Variants in PDE10A observed in about 807,000 individuals in gnomAD.
PDE10A encodes cAMP and cAMP-inhibited cGMP 3',5'-cyclic phosphodiesterase 10A.
A neutral mutation model predicts 97.7 loss-of-function variants in PDE10A; 39 were observed. That is an observed-to-expected ratio of 0.40 (90% CI 0.31 to 0.52). PDE10A has a LOEUF of 0.52. Ranked by LOEUF, PDE10A falls within the 20% of genes least tolerant of loss-of-function variation. The probability of loss-of-function intolerance (pLI) is 0.56; values close to 1 mark genes in which losing one functional copy is unlikely to be tolerated. For synonymous variants in PDE10A, 371 were observed against 376.8 expected, an observed-to-expected ratio of 0.98 and a Z score of 0.18; for missense variants, 731 against 1,047.8, an observed-to-expected ratio of 0.70 and a Z score of 4.17.
At position 165,529,032 on chromosome 6, in the gene PDE10A, T is replaced by C. The variant is rs565087832; in HGVS notation, c.994+14408A>G. Among the ~76,000 whole-genome samples, 4 of 152,324 alleles carry C rather than the reference T, an allele frequency of 2.6e-5. No homozygotes were observed. The East Asian group carries it at 7.7e-4, about 29-fold the overall frequency. ...ATCCATTAGCAAAATTTTTGCTTCCTGTTCCTGAGACATTACATTCTGCTC... is the reference window on the plus strand; with the variant it reads ...ATCCATTAGCAAAATTTTTGCTTCCCGTTCCTGAGACATTACATTCTGCTC... On this transcript the variant is annotated intron_variant, in intron 2 of 21. Transcript: ENST00000539869.
chr6:165,549,528 C>T (rs592725), intron 1 of PDE10A, among the ~76,000 whole-genome samples: 3,034 of 152,162 alleles, frequency 0.02, 38 homozygotes, highest in Middle Eastern at 0.041. Context: ...GTTTCACCGT[C>T]TTAGCCGGGA....
At chr6:165,757,707 T>C (rs2128457265) in intron 1 of PDE10A, among the ~76,000 whole-genome samples, 1 of 152,340 alleles carries the variant, frequency 6.6e-6, no homozygotes, top group South Asian at 2.1e-4. Flanking sequence ...ATAGTATGTC[T>C]TTGTGATTCT....
intron 10 of PDE10A, among the ~76,000 whole-genome samples, chr6:165,427,763 A>G (rs528831267): frequency 4.6e-5 from 7 of 152,086 alleles, no homozygotes; most frequent in Non-Finnish European, 1.0e-4. Flanking sequence ...TTATAACTTT[A>G]TATTTTTCTT....
intron 1 of PDE10A, among the ~76,000 whole-genome samples, chr6:165,821,027 C>T (rs562881501): frequency 6.6e-6 from 1 of 152,330 alleles, no homozygotes; most frequent in East Asian, 1.9e-4. Context: ...CAGAAACATA[C>T]ATTGCACGTT....
At chr6:165,550,726 T>C (rs1046837835) in intron 1 of PDE10A, among the ~76,000 whole-genome samples, 1 of 152,218 alleles carries the variant, frequency 6.6e-6, no homozygotes, top group East Asian at 1.9e-4. Context: ...GGAAGTCAGA[T>C]AACAATTCAA....
At chr6:165,792,261 G>A (rs117836355) in intron 1 of PDE10A, among the ~76,000 whole-genome samples, 4,773 of 152,302 alleles carry the variant, frequency 0.031, 118 homozygotes, top group Middle Eastern at 0.092. Context: ...ATGAGTCACC[G>A]TCGAGCAGAA....
At chr6:165,750,640 C>G (rs1792977772) in intron 1 of PDE10A, among the ~76,000 whole-genome samples, 1 of 152,224 alleles carries the variant, frequency 6.6e-6, no homozygotes, top group Non-Finnish European at 1.5e-5. Flanking sequence ...ACAGCCTGCA[C>G]ATTTTCTTCA....
intron 3 of PDE10A, among the ~76,000 whole-genome samples, chr6:165,470,977 T>C (rs1027212382): frequency 3.3e-4 from 50 of 152,152 alleles, no homozygotes; most frequent in African/African-American, 1.1e-3. Context: ...CACCCATTTC[T>C]CTCCTCTCTT....
chr6:165,673,718 T>C (rs1185021389), intron 1 of PDE10A, among the ~76,000 whole-genome samples: 2 of 152,262 alleles, frequency 1.3e-5, no homozygotes, highest in South Asian at 2.1e-4. Flanking sequence ...TCTTCTTTAA[T>C]GGTGAAGGCA....
At chr6:165,896,670 G>A (rs530223684) in intron 1 of PDE10A, among the ~76,000 whole-genome samples, 86 of 151,974 alleles carry the variant, frequency 5.7e-4, no homozygotes, top group African/African-American at 2.0e-3. Context: ...GACTACAGGC[G>A]CCCACCACCA....
At position 165,711,848 on chromosome 6, in the gene PDE10A, C is replaced by A. The variant is rs958371122; in HGVS notation, c.-614-168280G>T. Among the ~76,000 whole-genome samples, 1 of 152,076 alleles carries A rather than the reference C, an allele frequency of 6.6e-6. No individual in the cohort carries two copies. The highest frequency in any genetic ancestry group is 2.4e-5 in the African/African-American group (1 of 41,392). On this transcript the variant is annotated intron_variant, in intron 1 of 19. Coordinates refer to the PDE10A transcript ENST00000366882. The surrounding 1 kb of genome is among the most constrained non-coding windows in gnomAD (Gnocchi z 4.5). ...GTGTAAAATGCTTTAGCATAAACAG[C>A]GGGATGTAGGAGTGTGTTGGTTGGT...
At chr6:165,338,406 A>G (rs1781772593) in intron 20 of PDE10A, among the ~76,000 whole-genome samples, 1 of 152,254 alleles carries the variant, frequency 6.6e-6, no homozygotes, top group Non-Finnish European at 1.5e-5. Context: ...TTAGAAGATG[A>G]GACAGTTAAC....
intron 1 of PDE10A, among the ~76,000 whole-genome samples, chr6:165,728,856 A>C (rs1230177835): frequency 2.6e-5 from 4 of 152,126 alleles, no homozygotes; most frequent in Non-Finnish European, 5.9e-5. Context: ...TCAGTTTTTG[A>C]GACTTTGCTT....
intron 5 of PDE10A, among the ~76,000 whole-genome samples, chr6:165,436,803 A>G (rs1790049557): frequency 6.6e-6 from 1 of 152,204 alleles, no homozygotes; most frequent in African/African-American, 2.4e-5. Context: ...GCACCAACAT[A>G]CACATGGCAT....
chr6:165,877,194 C>G (rs181237884), intron 1 of PDE10A, among the ~76,000 whole-genome samples: 15 of 152,298 alleles, frequency 9.8e-5, no homozygotes, highest in African/African-American at 3.4e-4. Context: ...TGACAAGCCC[C>G]ATCATTTAGT....
At chr6:165,397,752 G>A (rs1583193753) in intron 13 of PDE10A, among the ~76,000 whole-genome samples, 3 of 138,054 alleles carry the variant, frequency 2.2e-5, no homozygotes, top group Admixed American at 1.4e-4. Flanking sequence ...CAAGAGTAAA[G>A]ATACTTTCTT....
Position 165,661,653 on chromosome 6 carries a change from G to A in PDE10A, c.865+294C>T. The A allele has an allele frequency of 2.6e-6, 1 of 391,420 alleles. No individual in the cohort carries two copies. Among genetic ancestry groups the A allele is most frequent in the Non-Finnish European group, 4.5e-6 (1 of 221,460 alleles). The allele number at this position is 391,420 out of a possible 1,614,324, so 24.2% of individuals were successfully genotyped here. A position where few individuals can be genotyped will look rare whatever the true frequency, so the allele number is the denominator to read the frequency against. On this transcript the variant is annotated intron_variant, in intron 1 of 21. Transcript: ENST00000539869. The surrounding 1 kb of genome is among the most constrained non-coding windows in gnomAD (Gnocchi z 4.8). ...AGAAACGGCACGAGGGGCGGAGAAGGAGGCGGCAGGTCCCGCTCGCAACGT... is the reference window on the plus strand; with the variant it reads ...AGAAACGGCACGAGGGGCGGAGAAGAAGGCGGCAGGTCCCGCTCGCAACGT...
Position 165,391,790 on chromosome 6 carries a change from G to A in PDE10A, c.2454+856C>T, listed in dbSNP as rs141392099. On this transcript the variant is annotated intron_variant, in intron 16 of 21. Transcript: ENST00000539869. ...GATTGTGAATTTGGTCCAATAGGAT[G>A]GAAAAGGATAGGATGGACCTTCACA... Among the ~76,000 whole-genome samples the A allele has an allele frequency of 1.4e-3, 213 of 152,236 alleles. 2 individuals carry two copies. The highest frequency in any genetic ancestry group is 5.0e-3 in the African/African-American group (208 of 41,538).
At chr6:165,879,775 G>T (rs1781428925) in intron 1 of PDE10A, among the ~76,000 whole-genome samples, 2 of 152,074 alleles carry the variant, frequency 1.3e-5, no homozygotes, top group Admixed American at 1.3e-4. Flanking sequence ...TTATTTATAT[G>T]ATTTTTTTGT....
Sources: allele counts gnomAD v4.1 joint callset (sites outside exome capture counted in the v4.1 genomes callset), GRCh38; gene constraint gnomAD v4.1.1; non-coding constraint Gnocchi (gnomAD v3.1); transcripts MANE v1.5; gene names NCBI Gene and HGNC (gene_info 2026-07-23, HGNC 2026-07-21).